Variants in STK39 observed in about 807,000 individuals in gnomAD.
The protein encoded by STK39 is STE20/SPS1-related proline-alanine-rich protein kinase.
A neutral mutation model predicts 77.8 loss-of-function variants in STK39; 20 were observed. That is an observed-to-expected ratio of 0.26 (90% CI 0.18 to 0.37). The LOEUF is 0.37. STK39 is among the 10% of genes least tolerant of loss of function. STK39 has a pLI of 1.00. For missense variants in STK39, 479 were observed against 656.5 expected (o/e 0.73, Z 2.95); for synonymous variants, 246 against 234.1 (o/e 1.05, Z -0.47).
chr2:168,025,304 G>T lies in STK39; in HGVS notation c.1377-8209C>A, dbSNP rs141594839. On this transcript the variant is annotated intron_variant, in intron 14 of 17. Coordinates refer to ENST00000355999, the MANE Select transcript of STK39 (RefSeq NM_013233.3). ...GCAATGTCCAAAAAGACACCAAAAG[G>T]CACAGCATCTCCAAAACGGAATGTA... is the stretch of plus-strand genomic sequence containing the variant. 8.0e-3 allele frequency among the ~76,000 whole-genome samples: 1,212 copies of T among 152,152 alleles called. 16 individuals carry two copies. The highest frequency in any genetic ancestry group is 0.027 in the African/African-American group (1,111 of 41,498).
chr2:168,102,669 C>T (rs1417460387), intron 10 of STK39, among the ~76,000 whole-genome samples: 2 of 152,100 alleles, frequency 1.3e-5, no homozygotes, highest in Non-Finnish European at 2.9e-5. Flanking sequence ...GTGGCTCACG[C>T]CTGTAATCCC....
At chr2:168,163,603 A>G in intron 4 of STK39, 136 bp downstream of exon 4, 1 of 1,585,714 alleles carries the variant, frequency 6.3e-7, no homozygotes, top group Non-Finnish European at 8.5e-7. Flanking sequence ...GGCTGAAGAT[A>G]TGAACATCTG....
intron 10 of STK39, among the ~76,000 whole-genome samples, chr2:168,086,006 G>C (rs933546542): frequency 4.6e-5 from 7 of 152,216 alleles, no homozygotes; most frequent in African/African-American, 7.2e-5. Flanking sequence ...ATCTGGCGCA[G>C]TGGCATGACA....
chr2:168,111,515 C>T (rs1429241729), intron 10 of STK39, among the ~76,000 whole-genome samples: 4 of 152,146 alleles, frequency 2.6e-5, no homozygotes, highest in African/African-American at 9.7e-5. Flanking sequence ...CAGATACCTG[C>T]TGTCAGTCTA....
intron 10 of STK39, among the ~76,000 whole-genome samples, chr2:168,102,080 G>C (rs1329699141): frequency 1.3e-5 from 2 of 150,214 alleles, no homozygotes; most frequent in Non-Finnish European, 3.0e-5. Context: ...CAGTTGGGTT[G>C]TGTCCACTTT....
intron 14 of STK39, among the ~76,000 whole-genome samples, chr2:168,045,607 T>C (rs548507086): frequency 1.8e-4 from 27 of 152,308 alleles, no homozygotes; most frequent in Non-Finnish European, 2.8e-4. Flanking sequence ...AGGAGTTCAA[T>C]AGACGTACAG....
At chr2:168,207,481 A>G (rs1689771636) in intron 1 of STK39, among the ~76,000 whole-genome samples, 1 of 152,252 alleles carries the variant, frequency 6.6e-6, no homozygotes, top group African/African-American at 2.4e-5. Context: ...AAGGCAATGC[A>G]GAAGATACAG....
At chr2:168,208,932 C>T (rs1689812128) in intron 1 of STK39, among the ~76,000 whole-genome samples, 1 of 152,198 alleles carries the variant, frequency 6.6e-6, no homozygotes, top group Admixed American at 6.5e-5. Context: ...GCAAGAAATA[C>T]ACTTGTGTTG....
chr2:168,018,538 AAAAG>A (rs60121657), intron 14 of STK39, among the ~76,000 whole-genome samples: 5,641 of 85,222 alleles, frequency 0.066, 185 homozygotes, highest in East Asian at 0.13. Flanking sequence ...GAAAAGAAAG[AAAAG>A]AAAGAAAGAA....
chr2:168,205,596 T>G (rs1689721366), intron 1 of STK39, among the ~76,000 whole-genome samples: 1 of 152,040 alleles, frequency 6.6e-6, no homozygotes, highest in Admixed American at 6.6e-5. Flanking sequence ...GGACGGGGAT[T>G]GCTTGAGGCC....
At chr2:168,131,635 C>T (rs1486684324) in intron 8 of STK39, among the ~76,000 whole-genome samples, 1 of 152,162 alleles carries the variant, frequency 6.6e-6, no homozygotes, top group Non-Finnish European at 1.5e-5. Flanking sequence ...TCAAGTGGAA[C>T]ACTGGTTATG....
At chr2:168,181,882 A>G (rs1689090167) in intron 2 of STK39, 96 bp downstream of exon 2, 1 of 1,032,798 alleles carries the variant, frequency 9.7e-7, no homozygotes, top group African/African-American at 1.6e-5. Context: ...GCATATGTCA[A>G]AACTGGAGAT....
intron 16 of STK39, among the ~76,000 whole-genome samples, chr2:167,975,684 G>A (rs988179890): frequency 3.3e-5 from 5 of 152,202 alleles, no homozygotes; most frequent in Admixed American, 3.3e-4. Context: ...CGTGGTGGTG[G>A]GTTCCTGTGG....
At chr2:168,027,064 G>A (rs1401957643) in intron 14 of STK39, among the ~76,000 whole-genome samples, 1 of 152,130 alleles carries the variant, frequency 6.6e-6, no homozygotes, top group African/African-American at 2.4e-5. Context: ...TATACTAGAG[G>A]AAAAAAGAAC....
At chr2:167,971,555 T>G (rs1692345733) in intron 16 of STK39, among the ~76,000 whole-genome samples, 1 of 152,200 alleles carries the variant, frequency 6.6e-6, no homozygotes, top group Non-Finnish European at 1.5e-5. Flanking sequence ...TCTGAAAAAC[T>G]GAGTTCCTTC....
At chr2:167,959,307 A>G (rs1252077691) in intron 17 of STK39, among the ~76,000 whole-genome samples, 1 of 149,092 alleles carries the variant, frequency 6.7e-6, no homozygotes, top group Non-Finnish European at 1.5e-5. Context: ...TTGTATTTTT[A>G]GTAGAGATGA....
At chr2:168,002,898 T>G (rs909186737) in intron 16 of STK39, among the ~76,000 whole-genome samples, 6 of 152,258 alleles carry the variant, frequency 3.9e-5, no homozygotes, top group African/African-American at 7.2e-5. Context: ...CCCAGCACTC[T>G]GCAGAGCAAA....
intron 1 of STK39, among the ~76,000 whole-genome samples, chr2:168,195,657 A>G (rs1689450770): frequency 1.3e-5 from 2 of 152,218 alleles, no homozygotes; most frequent in Admixed American, 1.3e-4. Flanking sequence ...GTTACATGCC[A>G]AAGATAATAC....
intron 14 of STK39, among the ~76,000 whole-genome samples, chr2:168,052,185 A>G (rs1040479176): frequency 1.3e-5 from 2 of 152,248 alleles, no homozygotes; most frequent in East Asian, 1.9e-4. Flanking sequence ...ATGCTCGCGC[A>G]AGGCCCTTGT....
Sources: gnomAD v4.1 joint callset for allele counts (sites outside exome capture counted in the v4.1 genomes callset) on GRCh38, gnomAD v4.1.1 for gene constraint, MANE v1.5 for transcripts, NCBI Gene and HGNC (gene_info 2026-07-23, HGNC 2026-07-21) for gene names.